Variants in CSMD3 observed in about 807,000 individuals in gnomAD.
CSMD3 encodes the protein CUB and sushi domain-containing protein 3.
CSMD3 carries 177 observed loss-of-function variants against 435.2 expected under a neutral mutation model. That is an observed-to-expected ratio of 0.41 (90% CI 0.36 to 0.46). CSMD3 has a LOEUF of 0.46. CSMD3 is among the 20% of genes least tolerant of loss of function. CSMD3 has a pLI of 0.34. For synonymous variants in CSMD3, 1,656 were observed against 1,520.5 expected, an observed-to-expected ratio of 1.09 and a Z score of -2.07; for missense variants, 4,265 against 4,504.6, an observed-to-expected ratio of 0.95 and a Z score of 1.52.
At chr8:112,647,252 G>A (rs1397976809) in intron 19 of CSMD3, among the ~76,000 whole-genome samples, 1 of 151,164 alleles carries the variant, frequency 6.6e-6, no homozygotes, top group Non-Finnish European at 1.5e-5. Context: ...AAATTCAAGG[G>A]CATCCTTTAT....
chr8:113,154,604 A>G (rs1289152505), intron 4 of CSMD3, among the ~76,000 whole-genome samples: 1 of 152,050 alleles, frequency 6.6e-6, no homozygotes, highest in African/African-American at 2.4e-5. Context: ...TCAGGGCAGT[A>G]GAAGAATGAA....
At chr8:113,158,253 A>G (rs1588172121) in intron 4 of CSMD3, among the ~76,000 whole-genome samples, 1 of 152,010 alleles carries the variant, frequency 6.6e-6, no homozygotes, top group African/African-American at 2.4e-5. Context: ...TCCAGCAGGA[A>G]GAAAGGCTGA....
chr8:112,757,225 T>A (rs533494923), intron 13 of CSMD3, among the ~76,000 whole-genome samples: 2 of 152,242 alleles, frequency 1.3e-5, no homozygotes, highest in African/African-American at 4.8e-5. Flanking sequence ...TATGGAAAGC[T>A]TTTTTTATTA....
intron 9 of CSMD3, among the ~76,000 whole-genome samples, chr8:112,928,767 T>G (rs2082997524): frequency 6.7e-6 from 1 of 150,270 alleles, no homozygotes; most frequent in Non-Finnish European, 1.5e-5. Context: ...TGTGTCTTTA[T>G]AGCAGCATGA....
At chr8:112,594,231 C>T (rs753511097) in intron 22 of CSMD3, among the ~76,000 whole-genome samples, 1 of 152,180 alleles carries the variant, frequency 6.6e-6, no homozygotes, top group Non-Finnish European at 1.5e-5. Flanking sequence ...AGGGAGTTCC[C>T]TTTCCGAGTC....
intron 22 of CSMD3, among the ~76,000 whole-genome samples, chr8:112,610,795 C>G (rs1225037467): frequency 6.6e-6 from 1 of 152,152 alleles, no homozygotes. Context: ...CTTAGCTCTT[C>G]TCTAGAGGCT....
intron 70 of CSMD3, among the ~76,000 whole-genome samples, chr8:112,227,858 C>T (rs772044934): frequency 8.4e-4 from 127 of 152,066 alleles, no homozygotes; most frequent in African/African-American, 2.9e-3. Context: ...CTGGCTAACA[C>T]GGTGAAACCC....
chr8:112,909,346 T>C (rs2082344613), intron 10 of CSMD3, among the ~76,000 whole-genome samples: 1 of 151,580 alleles, frequency 6.6e-6, no homozygotes, highest in African/African-American at 2.4e-5. Flanking sequence ...AAAATAACAC[T>C]TAAAAATCTG....
At chr8:113,432,802 T>C (rs538021170) in intron 1 of CSMD3, among the ~76,000 whole-genome samples, 4 of 152,220 alleles carry the variant, frequency 2.6e-5, no homozygotes, top group Non-Finnish European at 5.9e-5. Context: ...GCAGCGCCAC[T>C]GGCCATCTGG....
intron 1 of CSMD3, among the ~76,000 whole-genome samples, chr8:113,334,625 A>G (rs1195181420): frequency 6.6e-6 from 1 of 152,074 alleles, no homozygotes; most frequent in Admixed American, 6.6e-5. Context: ...TATTGTTTCT[A>G]GAATAAGAAT....
chr8:112,724,021 A>G (rs1026947804), intron 13 of CSMD3, among the ~76,000 whole-genome samples: 1 of 152,054 alleles, frequency 6.6e-6, no homozygotes, highest in African/African-American at 2.4e-5. Context: ...TTCAGTGTAG[A>G]GAGACAGAAA....
At chr8:112,563,171 A>G (rs1460091116) in intron 24 of CSMD3, among the ~76,000 whole-genome samples, 2 of 151,886 alleles carry the variant, frequency 1.3e-5, no homozygotes, top group African/African-American at 2.4e-5. Flanking sequence ...AAGAAGAGTT[A>G]TACTCTTTTT....
chr8:112,516,935 A>G (rs1823726985), intron 28 of CSMD3, 99 bp downstream of exon 28: 2 of 880,982 alleles, frequency 2.3e-6, no homozygotes, highest in East Asian at 5.2e-5. Context: ...TTAGACTCTC[A>G]TATAGAATCT....
In CSMD3 at chr8:113,173,635, G is replaced by A. The variant is rs112061626; in HGVS notation, c.709+87C>T. On this transcript the variant is annotated intron_variant, in intron 4 of 70. Transcript: ENST00000297405. ...CCATGCCTGGCCTCTCTATCCTTTA[G>A]ATTCCGTAGAAGAAACAGGCACCAA... 4.6e-5 allele frequency: 51 copies of A among 1,104,166 alleles called. No individual in the cohort carries two copies. The African/African-American group carries it at 6.4e-4, about 14-fold the overall frequency. 68.4% of individuals were successfully genotyped at this position (1,104,166 alleles called of 1,614,324 possible).
intron 22 of CSMD3, among the ~76,000 whole-genome samples, chr8:112,621,491 TCTC>T: frequency 6.6e-6 from 1 of 152,140 alleles, no homozygotes; most frequent in East Asian, 1.9e-4. Context: ...TGTCTGCAAT[TCTC>T]CTCCCATTTT....
intron 17 of CSMD3, among the ~76,000 whole-genome samples, chr8:112,662,528 T>C (rs1030782305): frequency 4.6e-5 from 7 of 152,182 alleles, no homozygotes; most frequent in African/African-American, 1.4e-4. Context: ...TAATTCAAGA[T>C]GGATTAAAGA....
At chr8:112,262,080 G>T (rs2130361653) in intron 61 of CSMD3, among the ~76,000 whole-genome samples, 1 of 152,014 alleles carries the variant, frequency 6.6e-6, no homozygotes, top group East Asian at 1.9e-4. Flanking sequence ...TCTTGCTTAA[G>T]AAATTCCTTC....
At chr8:113,320,163 A>C (rs2132702472) in intron 1 of CSMD3, among the ~76,000 whole-genome samples, 1 of 152,176 alleles carries the variant, frequency 6.6e-6, no homozygotes, top group East Asian at 1.9e-4. Flanking sequence ...TTAAGTCAGT[A>C]TGATGTATAT....
intron 13 of CSMD3, among the ~76,000 whole-genome samples, chr8:112,766,475 A>G (rs2132172508): frequency 1.3e-5 from 2 of 151,896 alleles, no homozygotes; most frequent in Middle Eastern, 3.4e-3. Context: ...TTGATAATGA[A>G]AAAATACATA....
Sources: allele counts gnomAD v4.1 joint callset (sites outside exome capture counted in the v4.1 genomes callset), GRCh38; gene constraint gnomAD v4.1.1; transcripts MANE v1.5; gene names NCBI Gene and HGNC (gene_info 2026-07-23, HGNC 2026-07-21).